The following AGMO variants were observed in gnomAD, a reference collection of about 807,000 sequenced individuals.
AGMO encodes glyceryl-ether monooxygenase.
AGMO carries 75 observed loss-of-function variants against 60.2 expected under a neutral mutation model. The observed-to-expected ratio is 1.25, with a 90% confidence interval of 1.03 to 1.51. The LOEUF is 1.51. Among genes scored for constraint, AGMO ranks in the 40% most tolerant of loss-of-function variants. The probability of loss-of-function intolerance (pLI) is 0.00; values close to 1 mark genes in which losing one functional copy is unlikely to be tolerated. For missense variants in AGMO, 763 were observed against 525.5 expected, an observed-to-expected ratio of 1.45 and a Z score of -4.42; for synonymous variants, 261 against 177.1, an observed-to-expected ratio of 1.47 and a Z score of -3.76.
intron 12 of AGMO, among the ~76,000 whole-genome samples, chr7:15,248,331 T>C (rs953445760): frequency 1.3e-4 from 19 of 150,456 alleles, no homozygotes; most frequent in African/African-American, 4.1e-4. Flanking sequence ...GAGGATCATA[T>C]AGAACATGCT....
At chr7:15,459,052 AATACTGCCCAC>A (rs1782068213) in intron 3 of AGMO, among the ~76,000 whole-genome samples, 1 of 152,194 alleles carries the variant, frequency 6.6e-6, no homozygotes, top group South Asian at 2.1e-4. Flanking sequence ...GATAATCTGC[AATACTGCCCAC>A]ATACAAATGT....
chr7:15,341,180 C>T (rs1781835608), intron 12 of AGMO, among the ~76,000 whole-genome samples: 1 of 152,160 alleles, frequency 6.6e-6, no homozygotes, highest in Non-Finnish European at 1.5e-5. Context: ...CAAATTTCTG[C>T]AGCCTGCTTG....
At chr7:15,178,944 A>C in the AGMO span, among the ~76,000 whole-genome samples, 1 of 152,170 alleles carries the variant, frequency 6.6e-6, no homozygotes, top group African/African-American at 2.4e-5. Flanking sequence ...AATGTGAGGC[A>C]GAGGAAATCA....
intron 12 of AGMO, among the ~76,000 whole-genome samples, chr7:15,353,536 C>A (rs1782338464): frequency 6.6e-6 from 1 of 151,972 alleles, no homozygotes; most frequent in African/African-American, 2.4e-5. Context: ...CTAAATGAAA[C>A]AAAACTACTC....
chr7:15,495,456 C>CT (rs1381832351), intron 3 of AGMO, among the ~76,000 whole-genome samples: 1 of 152,106 alleles, frequency 6.6e-6, no homozygotes, highest in Non-Finnish European at 1.5e-5. Context: ...CCCAGGTAGT[C>CT]TTACTAAGCC....
At chr7:15,227,039 G>C (rs1174950361) in intron 12 of AGMO, among the ~76,000 whole-genome samples, 1 of 151,918 alleles carries the variant, frequency 6.6e-6, no homozygotes, top group African/African-American at 2.4e-5. Context: ...AAACGCAAAA[G>C]TCTCTTCCTT....
intron 12 of AGMO, among the ~76,000 whole-genome samples, chr7:15,288,851 T>A (rs1349834498): frequency 4.4e-4 from 62 of 141,676 alleles, no homozygotes; most frequent in East Asian, 1.5e-3. Flanking sequence ...AAATAAAAAA[T>A]AAAAAAAAAA....
intron 2 of AGMO, among the ~76,000 whole-genome samples, chr7:15,551,088 G>A (rs950568870): frequency 6.6e-6 from 1 of 151,968 alleles, no homozygotes; most frequent in African/African-American, 2.4e-5. Context: ...CTCAATAGAT[G>A]CAGGAAAAGC....
chr7:15,379,804 T>C (rs1270537452), intron 10 of AGMO, among the ~76,000 whole-genome samples: 3 of 152,094 alleles, frequency 2.0e-5, no homozygotes, highest in Non-Finnish European at 4.4e-5. Context: ...ATCAAAAAGC[T>C]TATCCACCAT....
At chr7:15,475,887 A>T (rs1782582654) in intron 3 of AGMO, among the ~76,000 whole-genome samples, 1 of 152,136 alleles carries the variant, frequency 6.6e-6, no homozygotes, top group South Asian at 2.1e-4. Context: ...TTTATCCCAC[A>T]TAAGATCTAA....
downstream of AGMO, among the ~76,000 whole-genome samples, chr7:15,197,939 T>C (rs2115459348): frequency 6.6e-6 from 1 of 152,302 alleles, no homozygotes; most frequent in African/African-American, 2.4e-5. Flanking sequence ...TTACATTTCA[T>C]GGGCCTGTAC....
intron 10 of AGMO, among the ~76,000 whole-genome samples, chr7:15,369,226 T>TAA (rs1783105007): frequency 6.6e-6 from 1 of 152,006 alleles, no homozygotes; most frequent in South Asian, 2.1e-4. Context: ...CTAACTGGTC[T>TAA]TCCTACTTCT....
chr7:15,373,531 G>T (rs1783312881), intron 10 of AGMO, among the ~76,000 whole-genome samples: 1 of 152,190 alleles, frequency 6.6e-6, no homozygotes, highest in African/African-American at 2.4e-5. Flanking sequence ...TTATAAAGAA[G>T]AAAGCCCTTT....
chr7:15,216,558 A>G (rs956871261), intron 12 of AGMO, among the ~76,000 whole-genome samples: 5 of 152,100 alleles, frequency 3.3e-5, no homozygotes, highest in African/African-American at 1.2e-4. Context: ...ATTCATTTGT[A>G]GTAGTAATGA....
chr7:15,201,119 A>C lies in AGMO; in HGVS notation c.*166T>G, dbSNP rs1165234924. 1 of 455,624 alleles carries C rather than the reference A, an allele frequency of 2.2e-6. No individual in the cohort carries two copies. Among genetic ancestry groups the C allele is most frequent in the Non-Finnish European group, 3.7e-6 (1 of 268,192 alleles). The allele number at this position is 455,624 out of a possible 1,614,324, so 28.2% of individuals were successfully genotyped here. The stretch of plus-strand genomic sequence containing the variant: ...ACCAAAACTGACTTTAATTTTTAAT[A>C]GAAAATAACAAATGTGAAAGGCAAA... On this transcript the variant is annotated 3_prime_UTR_variant, in exon 13 of 13. Coordinates refer to ENST00000342526, the MANE Select transcript of AGMO (RefSeq NM_001004320.2).
intron 12 of AGMO, among the ~76,000 whole-genome samples, chr7:15,248,435 AG>A: frequency 6.6e-6 from 1 of 151,804 alleles, no homozygotes. Context: ...AGAGATGGCA[AG>A]GACTTTCAAA....
intron 12 of AGMO, among the ~76,000 whole-genome samples, chr7:15,355,597 A>C (rs1392941231): frequency 6.6e-6 from 1 of 151,982 alleles, no homozygotes; most frequent in Non-Finnish European, 1.5e-5. Context: ...GCCTGTATTC[A>C]TAACCCTCCC....
the AGMO span, among the ~76,000 whole-genome samples, chr7:15,153,432 AG>A: frequency 1.3e-5 from 2 of 152,134 alleles, no homozygotes; most frequent in Non-Finnish European, 2.9e-5. Flanking sequence ...AAAGGCTAGA[AG>A]GGTTTTTCCA....
the AGMO span, among the ~76,000 whole-genome samples, chr7:15,130,853 T>C: frequency 1.3e-5 from 2 of 152,182 alleles, no homozygotes; most frequent in African/African-American, 2.4e-5. Flanking sequence ...GAGTGAGTAA[T>C]ACATGAGCAA....
Sources: allele counts gnomAD v4.1 joint callset (sites outside exome capture counted in the v4.1 genomes callset), GRCh38; gene constraint gnomAD v4.1.1; transcripts MANE v1.5; gene names NCBI Gene and HGNC (gene_info 2026-07-23, HGNC 2026-07-21).